Variants in ZNF451 observed in about 807,000 individuals in gnomAD.
The protein encoded by ZNF451 is E3 SUMO-protein ligase ZNF451.
Under a neutral mutation model 107.1 loss-of-function variants are expected in ZNF451, and 80 were observed. The ratio of observed to expected loss-of-function variants is 0.75; its 90% CI spans 0.62 to 0.90. ZNF451 has a LOEUF of 0.90. Ranked by LOEUF, ZNF451 falls within the 40% of genes least tolerant of loss-of-function variation. The pLI, the probability that ZNF451 is intolerant of heterozygous loss-of-function variation, is 0.00. For synonymous variants in ZNF451, 362 were observed against 406.5 expected (o/e 0.89, Z 1.32); for missense variants, 1,107 against 1,236.2 (o/e 0.90, Z 1.57).
chr6:57,154,299 A>G (rs1593167180), intron 13 of ZNF451: 2 of 560,744 alleles, frequency 3.6e-6, no homozygotes, highest in East Asian at 5.7e-5. Context: ...ATTGATGTAT[A>G]TAAAACATAT....
intron 9 of ZNF451, among the ~76,000 whole-genome samples, chr6:57,143,539 A>G (rs555336643): frequency 1.5e-4 from 23 of 152,344 alleles, no homozygotes; most frequent in Non-Finnish European, 1.2e-4. Flanking sequence ...TGTTTTCAAT[A>G]TAAACATTTA....
Position 57,147,405 on chromosome 6 carries a change from G to A in ZNF451, c.1320G>A (p.Glu440=), listed in dbSNP as rs770415551. The stretch of plus-strand genomic sequence containing the variant: ...CTATTAAAGAATCTAGCTCACTGGA[G>A]TGCATTGCCATTCCAAAAAAGAAGA... ...TMSIKESSSL[E]CIAIPKKKMN... is the part of the protein sequence containing the mutation. The change falls in exon 10 of 15, where the codon GAG becomes GAA. Residue 440 remains glutamate (E), a synonymous_variant. Coordinates refer to ENST00000370706, the MANE Select transcript of ZNF451 (RefSeq NM_001031623.3). 6.2e-7 allele frequency: 1 copy of A among 1,613,972 alleles called. No homozygotes were observed. The highest frequency in any genetic ancestry group is 8.5e-7 in the Non-Finnish European group (1 of 1,179,946).
intron 3 of ZNF451, among the ~76,000 whole-genome samples, chr6:57,122,435 C>T (rs1206762632): frequency 6.6e-6 from 1 of 152,156 alleles, no homozygotes; most frequent in East Asian, 1.9e-4. Flanking sequence ...ACAGAGCTAA[C>T]AGACAACCCA....
At position 57,138,122 on chromosome 6, in the gene ZNF451, G is replaced by A. The variant is rs543891161; in HGVS notation, c.703-3180G>A. 2.5e-3 allele frequency among the ~76,000 whole-genome samples: 373 copies of A among 152,176 alleles called. 2 individuals are homozygous for A. Among genetic ancestry groups the A allele is most frequent in the South Asian group, 7.9e-3 (38 of 4,816 alleles). Reference sequence around the variant, plus strand: ...TTCCTCTAACGAGTTAAATTGCTAGGTCATATGGTACCTTTTTAATTTTTT... The same window carrying A: ...TTCCTCTAACGAGTTAAATTGCTAGATCATATGGTACCTTTTTAATTTTTT... On this transcript the variant is annotated intron_variant, in intron 7 of 14. Coordinates refer to ENST00000370706, the MANE Select transcript of ZNF451 (RefSeq NM_001031623.3).
intron 6 of ZNF451, chr6:57,134,309 A>G (rs1306103428): frequency 2.6e-5 from 4 of 154,386 alleles, no homozygotes; most frequent in Non-Finnish European, 4.3e-5. Flanking sequence ...ATTAAATGGT[A>G]AAAATGAACA....
intron 3 of ZNF451, chr6:57,108,518 CATTTT>C (rs1297201465): frequency 1.0e-6 from 1 of 985,114 alleles, no homozygotes; most frequent in African/African-American, 1.7e-5. Context: ...GTTTTCAATT[CATTTT>C]TTTTTACATA....
intron 9 of ZNF451, among the ~76,000 whole-genome samples, chr6:57,145,402 A>G (rs1832013488): frequency 6.6e-6 from 1 of 152,228 alleles, no homozygotes; most frequent in Non-Finnish European, 1.5e-5. Context: ...CTATCATCCA[A>G]ATAGTGAACA....
At chr6:57,119,654 C>G (rs1402107047) in intron 3 of ZNF451, among the ~76,000 whole-genome samples, 1 of 152,148 alleles carries the variant, frequency 6.6e-6, no homozygotes, top group Non-Finnish European at 1.5e-5. Context: ...CTTACCTCCT[C>G]CCCTCCCACC....
At chr6:57,117,686 A>C (rs913011002) in intron 3 of ZNF451, among the ~76,000 whole-genome samples, 2 of 152,168 alleles carry the variant, frequency 1.3e-5, no homozygotes, top group African/African-American at 4.8e-5. Context: ...TTTAATTTTC[A>C]TTGACCTTTG....
intron 9 of ZNF451, among the ~76,000 whole-genome samples, chr6:57,145,995 G>C (rs1593154810): frequency 6.6e-6 from 1 of 152,014 alleles, no homozygotes; most frequent in South Asian, 2.1e-4. Context: ...CAGCCATTTT[G>C]ACTGGTGTAA....
chr6:57,109,550 G>A, intron 3 of ZNF451: 3 of 985,080 alleles, frequency 3.0e-6, no homozygotes. Context: ...TATTGGATAT[G>A]GTATTCTATG....
chr6:57,148,637 C>A lies in ZNF451; in HGVS notation c.2552C>A (p.Ser851Ter). 6.2e-7 allele frequency: 1 copy of A among 1,613,588 alleles called. No homozygotes were observed. Among genetic ancestry groups the A allele is most frequent in the Non-Finnish European group, 8.5e-7 (1 of 1,179,802 alleles). ...ERKLKQAINYSKSLDMEKGVE... is the reference protein window; with the variant it reads ...ERKLKQAINY ...AAACTGAAACAGGCAATAAACTATTCAAAAAGTTTAGACATGGAGAAAGGA... is the reference window on the plus strand; with the variant it reads ...AAACTGAAACAGGCAATAAACTATTAAAAAAGTTTAGACATGGAGAAAGGA... Residue 851 changes from serine to a stop codon, truncating the protein, a stop_gained, in exon 10 of 15, where the codon TCA (serine) becomes TAA (stop). Coordinates refer to ENST00000370706, the MANE Select transcript of ZNF451 (RefSeq NM_001031623.3). LOFTEE classifies it high-confidence loss of function.
intron 6 of ZNF451, among the ~76,000 whole-genome samples, chr6:57,133,628 C>A (rs1831286984): frequency 1.3e-5 from 2 of 152,114 alleles, no homozygotes; most frequent in Admixed American, 1.3e-4. Context: ...AATAAAAATT[C>A]TATTTATTGA....
chr6:57,161,250 C>CT (rs1763662305), intron 14 of ZNF451, 98 bp downstream of exon 14: 1 of 623,086 alleles, frequency 1.6e-6, no homozygotes. Flanking sequence ...TTATTCCCTT[C>CT]TACCCCCAAG....
intron 3 of ZNF451, chr6:57,102,223 A>C: frequency 7.2e-7 from 1 of 1,396,042 alleles, no homozygotes; most frequent in Non-Finnish European, 9.2e-7. Flanking sequence ...TGGAATGATC[A>C]CAGCTGACAT....
chr6:57,166,912 A>G (rs1017311382), intron 14 of ZNF451, among the ~76,000 whole-genome samples: 3 of 152,196 alleles, frequency 2.0e-5, no homozygotes, highest in African/African-American at 7.2e-5. Flanking sequence ...CTGTTTACCA[A>G]AAGTTGATAC....
At chr6:57,112,718 C>T (rs981842516) in intron 3 of ZNF451, among the ~76,000 whole-genome samples, 6 of 151,970 alleles carry the variant, frequency 3.9e-5, no homozygotes, top group South Asian at 4.2e-4. Flanking sequence ...GTTATATCAC[C>T]GTGTGTGGTA....
intron 7 of ZNF451, among the ~76,000 whole-genome samples, chr6:57,139,526 TAATGATAGTA>T (rs1247448885): frequency 2.6e-5 from 4 of 152,200 alleles, no homozygotes; most frequent in African/African-American, 9.6e-5. Flanking sequence ...GTTCTAGTGT[TAATGATAGTA>T]AATATGAGGC....
chr6:57,122,347 C>G (rs1830679884), intron 3 of ZNF451, among the ~76,000 whole-genome samples: 1 of 151,998 alleles, frequency 6.6e-6, no homozygotes, highest in South Asian at 2.1e-4. Flanking sequence ...ACCCTAAAAG[C>G]AAATAGAACA....
Sources: gnomAD v4.1 joint callset for allele counts (sites outside exome capture counted in the v4.1 genomes callset) on GRCh38, gnomAD v4.1.1 for gene constraint, MANE v1.5 for transcripts, NCBI Gene and HGNC (gene_info 2026-07-23, HGNC 2026-07-21) for gene names.